Variants in NCBP3 observed in about 807,000 individuals in gnomAD.
NCBP3 encodes nuclear cap-binding protein subunit 3.
In NCBP3, 20 loss-of-function variants were observed where a neutral mutation model predicts 75.7. That is an observed-to-expected ratio of 0.26 (90% CI 0.19 to 0.38). The LOEUF is 0.38. Ranked by LOEUF, NCBP3 falls within the 10% of genes least tolerant of loss-of-function variation. The pLI, the probability that NCBP3 is intolerant of heterozygous loss-of-function variation, is 1.00. For missense variants in NCBP3, 678 were observed against 796.9 expected (o/e 0.85, Z 1.80); for synonymous variants, 293 against 290.5 (o/e 1.01, Z -0.09).
Position 3,814,394 on chromosome 17 carries a change from C to T in NCBP3, c.1555G>A (p.Val519Met). The T allele has an allele frequency of 6.2e-7, 1 of 1,614,196 alleles. No homozygotes were observed. The highest frequency in any genetic ancestry group is 1.7e-5 in the Admixed American group (1 of 60,034). The stretch of plus-strand genomic sequence containing the variant: ...CTGGGAACACCTAGCCTACTATGCA[C>T]ATCAGAAGAGGGCTCTCTCCGAACG... ...PVVRREPSSD[V>M]HSRLGVPRQD... The change falls in exon 12 of 13, where the codon GTG becomes ATG. Residue 519 changes from valine to methionine, a missense_variant. Transcript: ENST00000389005.
chr17:3,815,761 T>A, intron 11 of NCBP3, among the ~76,000 whole-genome samples: 1 of 152,106 alleles, frequency 6.6e-6, no homozygotes, highest in East Asian at 1.9e-4. Context: ...TTAAAGTATA[T>A]GAGAGGATGT....
Position 3,803,973 on chromosome 17 carries a change from AG to A in NCBP3, c.*9070del, listed in dbSNP as rs1327382569. ...GTGCCTGTAGTCCCAGCTACTCAGGAGGGTGAGGCAGGAGAATGGCGTGAAC... is the reference window on the plus strand; with the variant it reads ...GTGCCTGTAGTCCCAGCTACTCAGGAGGTGAGGCAGGAGAATGGCGTGAAC... On this transcript the variant is annotated 3_prime_UTR_variant, in exon 13 of 13. Coordinates refer to ENST00000389005, the MANE Select transcript of NCBP3 (RefSeq NM_001114118.3). 6.6e-6 allele frequency: 1 copy of A among 151,696 alleles called. No individual in the cohort carries two copies. The highest frequency in any genetic ancestry group is 2.4e-5 in the African/African-American group (1 of 41,268). 9.4% of individuals were successfully genotyped at this position (151,696 alleles called of 1,614,324 possible). A position where few individuals can be genotyped will look rare whatever the true frequency, so the allele number is the denominator to read the frequency against.
intron 3 of NCBP3, among the ~76,000 whole-genome samples, chr17:3,835,794 G>T (rs1462147223): frequency 6.6e-6 from 1 of 152,238 alleles, no homozygotes; most frequent in African/African-American, 2.4e-5. Context: ...TAAAGAGACT[G>T]AACCTTTTTG....
rs60024627 is a variant in NCBP3, at chr17:3,824,873, A to G, written c.796+69T>C. On this transcript the variant is annotated intron_variant, in intron 7 of 12. Coordinates refer to ENST00000389005, the MANE Select transcript of NCBP3 (RefSeq NM_001114118.3). Reference sequence around the variant, plus strand: ...ACTTGATCTAACTTCTATTCAAAAAAGAAGGATGTCACTCCATAATAAATC... The same window carrying G: ...ACTTGATCTAACTTCTATTCAAAAAGGAAGGATGTCACTCCATAATAAATC... 1.7e-3 allele frequency: 1,414 copies of G among 813,858 alleles called. 7 individuals are homozygous for G. In the African/African-American group the frequency reaches 0.021, roughly 12 times the overall value. The allele number at this position is 813,858 out of a possible 1,614,324, so 50.4% of individuals were successfully genotyped here. A position where few individuals can be genotyped will look rare whatever the true frequency, so the allele number is the denominator to read the frequency against.
At chr17:3,842,647 T>G (rs2054086252) in intron 2 of NCBP3, among the ~76,000 whole-genome samples, 1 of 152,218 alleles carries the variant, frequency 6.6e-6, no homozygotes, top group Non-Finnish European at 1.5e-5. Context: ...TCAGGATGCA[T>G]GAAGACATCG....
intron 1 of NCBP3, among the ~76,000 whole-genome samples, chr17:3,844,625 C>A (rs1052051251): frequency 6.6e-6 from 1 of 152,042 alleles, no homozygotes; most frequent in African/African-American, 2.4e-5. Flanking sequence ...CAGAGGCGGG[C>A]GGATCACCTG....
intron 7 of NCBP3, 179 bp from the exon 8 acceptor site, chr17:3,822,231 G>T (rs1372000187): frequency 3.8e-6 from 2 of 525,416 alleles, no homozygotes; most frequent in African/African-American, 3.9e-5. Context: ...AGTGTAGAGG[G>T]GATAAAGCAA....
intron 12 of NCBP3, 64 bp from the exon 13 acceptor site, chr17:3,813,343 GGGCA>G: frequency 6.3e-7 from 1 of 1,583,584 alleles, no homozygotes; most frequent in South Asian, 1.1e-5. Flanking sequence ...AGCACTGAGG[GGGCA>G]GCAGCACTGC....
chr17:3,820,430 A>C (rs1256036250), intron 9 of NCBP3, among the ~76,000 whole-genome samples: 1 of 152,220 alleles, frequency 6.6e-6, no homozygotes, highest in Non-Finnish European at 1.5e-5. Flanking sequence ...ATTAGGCTCA[A>C]AACAAGAACA....
chr17:3,829,429 T>C, intron 3 of NCBP3, 61 bp from the exon 4 acceptor site: 2 of 1,522,188 alleles, frequency 1.3e-6, no homozygotes, highest in Non-Finnish European at 1.8e-6. Context: ...GCACATCCCA[T>C]CCACACTCCT....
At chr17:3,836,397 G>A (rs2053971637) in intron 3 of NCBP3, among the ~76,000 whole-genome samples, 1 of 152,068 alleles carries the variant, frequency 6.6e-6, no homozygotes, top group Admixed American at 6.5e-5. Flanking sequence ...GCTCACGCCT[G>A]TAATCCCAGC....
intron 2 of NCBP3, among the ~76,000 whole-genome samples, chr17:3,841,732 C>T (rs1222683395): frequency 6.8e-6 from 1 of 146,824 alleles, no homozygotes; most frequent in Non-Finnish European, 1.5e-5. Context: ...ACTCGGGAGG[C>T]TGAGGCAGAG....
chr17:3,814,397 C>T lies in NCBP3; in HGVS notation c.1552G>A (p.Asp518Asn). ...NPVVRREPSSDVHSRLGVPRQ... is the reference protein window; with the variant it reads ...NPVVRREPSSNVHSRLGVPRQ... ...GGAACACCTAGCCTACTATGCACAT[C>T]AGAAGAGGGCTCTCTCCGAACGACG... The change falls in exon 12 of 13, where the codon GAT becomes AAT. Residue 518 changes from aspartate (D) to asparagine (N), a missense_variant. Physicochemically the swap from Asp to Asn is conservative, Grantham distance 23. This residue lies in a region of NCBP3 where 365 missense variants were observed against 392.7 expected (regional missense o/e 0.93). Transcript: ENST00000389005. 6.2e-7 allele frequency: 1 copy of T among 1,614,232 alleles called. No individual in the cohort carries two copies. The highest frequency in any genetic ancestry group is 8.5e-7 in the Non-Finnish European group (1 of 1,180,028).
chr17:3,839,374 G>A (rs1339161846), intron 3 of NCBP3, among the ~76,000 whole-genome samples: 3 of 151,978 alleles, frequency 2.0e-5, no homozygotes, highest in African/African-American at 4.8e-5. Context: ...TTAAGACAGA[G>A]TCTCGCTCTG....
intron 3 of NCBP3, among the ~76,000 whole-genome samples, chr17:3,838,588 G>A (rs1468382375): frequency 6.6e-6 from 1 of 152,228 alleles, no homozygotes; most frequent in Non-Finnish European, 1.5e-5. Flanking sequence ...ACTGACTGAG[G>A]AGGGACGCAA....
At chr17:3,834,750 A>G (rs974558623) in intron 3 of NCBP3, among the ~76,000 whole-genome samples, 3 of 152,024 alleles carry the variant, frequency 2.0e-5, no homozygotes, top group South Asian at 2.1e-4. Flanking sequence ...TCTCTAAAAA[A>G]TAAATAAATA....
Position 3,806,269 on chromosome 17 carries a change from G to A in NCBP3, c.*6775C>T, listed in dbSNP as rs921420158. 6.6e-6 allele frequency: 1 copy of A among 152,188 alleles called. No homozygotes were observed. The highest frequency in any genetic ancestry group is 2.1e-4 in the South Asian group (1 of 4,830). The allele number at this position is 152,188 out of a possible 1,614,324, so 9.4% of individuals were successfully genotyped here. A position where few individuals can be genotyped will look rare whatever the true frequency, so the allele number is the denominator to read the frequency against. On this transcript the variant is annotated 3_prime_UTR_variant, in exon 13 of 13. Transcript: ENST00000389005. ...AATTTTTGTATTTCTAGTAGAGACGGGGTTCCAACATGTTGGCCAGGCTGC... is the reference window on the plus strand; with the variant it reads ...AATTTTTGTATTTCTAGTAGAGACGAGGTTCCAACATGTTGGCCAGGCTGC...
In NCBP3 at chr17:3,818,405, T is replaced by C. The variant is rs368863088; in HGVS notation, c.1168A>G (p.Arg390Gly). Residue 390 changes from arginine (R) to glycine (G), a missense_variant, in exon 10 of 13, where the codon AGA becomes GGA. Coordinates refer to ENST00000389005, the MANE Select transcript of NCBP3 (RefSeq NM_001114118.3). The surrounding 1 kb of genome is among the most constrained non-coding windows in gnomAD (Gnocchi z 4.7). The part of the protein sequence containing the change: ...LKQPRERSAS[R>G]RSSASSSDSD... ...TCTGAGCTGCTGGCACTGGATCGTC[T>C]AGACGCGCTCCGCTCCCGGGGCTGC... 6.2e-7 allele frequency: 1 copy of C among 1,614,186 alleles called. No homozygotes were observed.
At chr17:3,815,069 G>C (rs1187982475) in intron 11 of NCBP3, among the ~76,000 whole-genome samples, 1 of 152,130 alleles carries the variant, frequency 6.6e-6, no homozygotes, top group African/African-American at 2.4e-5. Flanking sequence ...CTGGTCTCTG[G>C]TCACTGAGAC....
Sources: gnomAD v4.1 joint callset for allele counts (sites outside exome capture counted in the v4.1 genomes callset) on GRCh38, gnomAD v4.1.1 for gene constraint, gnomAD v4.1.1 regional missense constraint, Gnocchi (gnomAD v3.1) non-coding constraint, MANE v1.5 for transcripts, NCBI Gene and HGNC (gene_info 2026-07-23, HGNC 2026-07-21) for gene names.